Variants in GRM7 observed in about 807,000 individuals in gnomAD.
The protein encoded by GRM7 is glutamate metabotropic receptor 7.
Under a neutral mutation model 84.5 loss-of-function variants are expected in GRM7, and 35 were observed. That is an observed-to-expected ratio of 0.41 (90% CI 0.32 to 0.55). The LOEUF is 0.55. Among genes scored for constraint, GRM7 ranks in the 20% least tolerant of loss-of-function variants. The probability of loss-of-function intolerance (pLI) is 0.19; values close to 1 mark genes in which losing one functional copy is unlikely to be tolerated. For synonymous variants in GRM7, 487 were observed against 455.1 expected (o/e 1.07, Z -0.89); for missense variants, 1,003 against 1,194.6 (o/e 0.84, Z 2.36).
At chr3:7,208,713 A>C (rs1696321977) in intron 2 of GRM7, among the ~76,000 whole-genome samples, 1 of 152,140 alleles carries the variant, frequency 6.6e-6, no homozygotes, top group African/African-American at 2.4e-5. Context: ...TAGTTCCATA[A>C]AACACATTCT....
rs558700898 is a variant in GRM7, at chr3:7,504,676, A to C, written c.1515+42954A>C. ...AAGGCACTCCCACGATAATGAATTC[A>C]ATCCCATGATAGCAACATTAATCCA... On this transcript the variant is annotated intron_variant, in intron 7 of 9. Coordinates refer to ENST00000357716, the MANE Select transcript of GRM7 (RefSeq NM_000844.4). 1.9e-4 allele frequency among the ~76,000 whole-genome samples: 29 copies of C among 152,300 alleles called. No homozygotes were observed. In the East Asian group the frequency reaches 5.6e-3, roughly 29 times the overall value.
chr3:6,989,850 A>G (rs1694566653), intron 1 of GRM7, among the ~76,000 whole-genome samples: 1 of 152,190 alleles, frequency 6.6e-6, no homozygotes, highest in Admixed American at 6.5e-5. Flanking sequence ...GAGAAATATA[A>G]TCTCCCGAGT....
intron 4 of GRM7, among the ~76,000 whole-genome samples, chr3:7,374,108 A>G (rs1277174138): frequency 6.6e-6 from 1 of 152,086 alleles, no homozygotes; most frequent in African/African-American, 2.4e-5. Flanking sequence ...CTCAGTTTCC[A>G]CACAAAACAA....
intron 4 of GRM7, among the ~76,000 whole-genome samples, chr3:7,371,195 G>C (rs1455639288): frequency 2.0e-5 from 3 of 152,146 alleles, no homozygotes; most frequent in Admixed American, 6.5e-5. Flanking sequence ...ACAATAGAGT[G>C]ACGTAGAAGA....
chr3:7,264,530 C>A (rs1034401519), intron 2 of GRM7, among the ~76,000 whole-genome samples: 8 of 118,698 alleles, frequency 6.7e-5, no homozygotes, highest in Non-Finnish European at 1.2e-4. Context: ...AGGAATAAGT[C>A]CCCATACATG....
rs1431982775 is a variant in GRM7 at position 7,529,997 on chromosome 3, T to C, written c.1516-48425T>C. 5.3e-5 allele frequency among the ~76,000 whole-genome samples: 8 copies of C among 151,616 alleles called. No homozygotes were observed. In the East Asian group the frequency reaches 1.6e-3, roughly 30 times the overall value. ...GGGATACATGTGCAGAACGTGCAGGTTTGTGACATAGGTATACACGTGCCA... is the reference window on the plus strand; with the variant it reads ...GGGATACATGTGCAGAACGTGCAGGCTTGTGACATAGGTATACACGTGCCA... On this transcript the variant is annotated intron_variant, in intron 7 of 9. Transcript: ENST00000357716.
Position 6,861,265 on chromosome 3 carries a change from C to A in GRM7, c.-124C>A. 1 of 784,920 alleles carries A rather than the reference C, an allele frequency of 1.3e-6. No individual in the cohort carries two copies. The highest frequency in any genetic ancestry group is 1.8e-6 in the Non-Finnish European group (1 of 553,182). 48.6% of individuals were successfully genotyped at this position (784,920 alleles called of 1,614,324 possible). ...GGTCGCCCCTCCCCGGATTCCCCCA[C>A]CCTCCGTGCCTGCAGGAGCCCCTGG... On this transcript the variant is annotated 5_prime_UTR_variant, in exon 1 of 10. Coordinates refer to ENST00000357716, the MANE Select transcript of GRM7 (RefSeq NM_000844.4). The surrounding 1 kb of genome is among the most constrained non-coding windows in gnomAD (Gnocchi z 6.4).
chr3:6,924,866 G>A (rs953979099), intron 1 of GRM7, among the ~76,000 whole-genome samples: 1 of 152,128 alleles, frequency 6.6e-6, no homozygotes, highest in East Asian at 1.9e-4. Flanking sequence ...AGAGAGACAG[G>A]AAATATCTCC....
At chr3:7,190,709 A>G (rs181500938) in intron 2 of GRM7, among the ~76,000 whole-genome samples, 1 of 151,922 alleles carries the variant, frequency 6.6e-6, no homozygotes, top group African/African-American at 2.4e-5. Flanking sequence ...ATATATATAT[A>G]TTTTTTCTTA....
intron 3 of GRM7, among the ~76,000 whole-genome samples, chr3:7,304,352 CT>C (rs147256322): frequency 0.47 from 53,622 of 115,120 alleles, 11,913 homozygotes; most frequent in Non-Finnish European, 0.57. Flanking sequence ...AATATCATTT[CT>C]TTTTTTTTTT....
intron 1 of GRM7, among the ~76,000 whole-genome samples, chr3:6,890,998 G>A (rs1302227068): frequency 6.6e-6 from 1 of 152,010 alleles, no homozygotes; most frequent in Admixed American, 6.6e-5. Flanking sequence ...GGCCTTCTTT[G>A]TGTCTTTTGA....
At chr3:7,273,346 G>A (rs1052221235) in intron 2 of GRM7, among the ~76,000 whole-genome samples, 1 of 152,114 alleles carries the variant, frequency 6.6e-6, no homozygotes, top group African/African-American at 2.4e-5. Flanking sequence ...GAATAAAGTA[G>A]TCCACAGATG....
intron 1 of GRM7, among the ~76,000 whole-genome samples, chr3:6,866,621 A>G (rs1694945878): frequency 6.6e-6 from 1 of 152,194 alleles, no homozygotes; most frequent in Non-Finnish European, 1.5e-5. Context: ...AGGTCAGCTT[A>G]CTGAATGATC....
chr3:7,266,660 G>C (rs1293449763), intron 2 of GRM7, among the ~76,000 whole-genome samples: 1 of 152,158 alleles, frequency 6.6e-6, no homozygotes, highest in African/African-American at 2.4e-5. Flanking sequence ...AAAGCATTCA[G>C]CTCACAATTT....
intron 9 of GRM7, among the ~76,000 whole-genome samples, chr3:7,716,261 T>C (rs1701766735): frequency 1.3e-5 from 2 of 152,188 alleles, no homozygotes; most frequent in Admixed American, 1.3e-4. Flanking sequence ...CAATCCATTC[T>C]AAAGCATCTA....
In GRM7 at chr3:7,215,321, A is replaced by T. The variant is rs79443629; in HGVS notation, c.736+68653A>T. Among the ~76,000 whole-genome samples, 470 of 152,292 alleles carry T rather than the reference A, an allele frequency of 3.1e-3. 3 individuals carry two copies. The highest frequency in any genetic ancestry group is 0.011 in the African/African-American group (454 of 41,562). The stretch of plus-strand genomic sequence containing the variant: ...ACTTCATGACTTGAGTAAATCCCAT[A>T]GCTTATCTGTGACTCTGTTTCCCCA... On this transcript the variant is annotated intron_variant, in intron 2 of 9. Transcript: ENST00000357716.
chr3:7,372,266 G>A (rs1372413811), intron 4 of GRM7, among the ~76,000 whole-genome samples: 2 of 152,142 alleles, frequency 1.3e-5, no homozygotes, highest in Non-Finnish European at 2.9e-5. Flanking sequence ...AAACAATCAC[G>A]TAAAGACGTT....
intron 1 of GRM7, among the ~76,000 whole-genome samples, chr3:6,911,571 A>G (rs1299810947): frequency 6.6e-6 from 1 of 152,148 alleles, no homozygotes; most frequent in African/African-American, 2.4e-5. Context: ...GGAAAAAGTC[A>G]TCTCAGTAAA....
chr3:7,304,300 CAT>C (rs376869181), intron 3 of GRM7, among the ~76,000 whole-genome samples: 4 of 92,654 alleles, frequency 4.3e-5, no homozygotes, highest in Non-Finnish European at 9.6e-5. Context: ...CATCATCCAT[CAT>C]CCATCCTTTT....
Sources: allele counts gnomAD v4.1 joint callset (sites outside exome capture counted in the v4.1 genomes callset), GRCh38; gene constraint gnomAD v4.1.1; non-coding constraint Gnocchi (gnomAD v3.1); transcripts MANE v1.5; gene names NCBI Gene and HGNC (gene_info 2026-07-23, HGNC 2026-07-21).